Variants in ALPL observed in about 807,000 individuals in gnomAD.
The protein encoded by ALPL is alkaline phosphatase, biomineralization associated.
A neutral mutation model predicts 51.3 loss-of-function variants in ALPL; 42 were observed. That is an observed-to-expected ratio of 0.82 (90% CI 0.64 to 1.06). The LOEUF (loss-of-function observed/expected upper bound fraction) is 1.06, where lower values mean the gene tolerates loss of function less well. ALPL is among the 50% of genes least tolerant of loss of function. ALPL has a pLI of 0.00. For missense variants in ALPL, 589 were observed against 709.4 expected (o/e 0.83, Z 1.93); for synonymous variants, 279 against 296.4 (o/e 0.94, Z 0.60).
At chr1:21,566,590 CTATTT>C (rs1371724015) in intron 6 of ALPL, among the ~76,000 whole-genome samples, 2 of 151,830 alleles carry the variant, frequency 1.3e-5, no homozygotes, top group Non-Finnish European at 2.9e-5. Context: ...CGCGCCCGGC[CTATTT>C]TATTTTATTT....
At chr1:21,551,719 GTTTTTTTTTT>G (rs397861981) in intron 1 of ALPL, among the ~76,000 whole-genome samples, 7 of 61,442 alleles carry the variant, frequency 1.1e-4, no homozygotes, top group South Asian at 2.4e-3. Context: ...AGCTTGCGTG[GTTTTTTTTTT>G]TTTTTTTTTT....
At chr1:21,531,558 G>A (rs1644030984) in intron 1 of ALPL, among the ~76,000 whole-genome samples, 1 of 152,238 alleles carries the variant, frequency 6.6e-6, no homozygotes, top group Non-Finnish European at 1.5e-5. Context: ...GAGAGCCAAA[G>A]GGGCTCTGGG....
chr1:21,518,766 G>A (rs963301194), intron 1 of ALPL, among the ~76,000 whole-genome samples: 3 of 152,064 alleles, frequency 2.0e-5, no homozygotes, highest in South Asian at 2.1e-4. Context: ...GAAGTCCCCC[G>A]TCCCACCCCT....
chr1:21,559,021 A>T (rs1644449664), intron 2 of ALPL, among the ~76,000 whole-genome samples: 1 of 152,162 alleles, frequency 6.6e-6, no homozygotes, highest in Admixed American at 6.5e-5. Context: ...GCCCAGAGCC[A>T]GTGCGTGTGT....
At chr1:21,510,275 C>A (rs1454416258) in intron 1 of ALPL, among the ~76,000 whole-genome samples, 1 of 152,204 alleles carries the variant, frequency 6.6e-6, no homozygotes, top group African/African-American at 2.4e-5. Flanking sequence ...CCGAGGAAAG[C>A]CTCCCCCACT....
rs756418235 is a variant in ALPL at position 21,575,865 on chromosome 1, C to T, written c.1130C>T (p.Ala377Val). The change falls in exon 10 of 12, where the codon GCG (alanine) becomes GTG (valine). Residue 377 changes from alanine (A) to valine (V), a missense_variant. Coordinates refer to ENST00000374840, the MANE Select transcript of ALPL (RefSeq NM_000478.6). Reference protein sequence around the residue: ...SSEDTLTVVTADHSHVFTFGG... With the variant: ...SSEDTLTVVTVDHSHVFTFGG... ...GAAGACACTCTGACCGTGGTCACTGCGGACCATTCCCACGTCTTCACATTT... is the reference window on the plus strand; with the variant it reads ...GAAGACACTCTGACCGTGGTCACTGTGGACCATTCCCACGTCTTCACATTT... 2.5e-6 allele frequency: 4 copies of T among 1,614,192 alleles called. No individual in the cohort carries two copies. The highest frequency in any genetic ancestry group is 1.1e-5 in the South Asian group (1 of 91,080).
upstream of ALPL, among the ~76,000 whole-genome samples, chr1:21,509,105 G>C (rs770236595): frequency 7.2e-5 from 11 of 152,094 alleles, no homozygotes; most frequent in Non-Finnish European, 1.5e-4. This position sits in a 1 kb window ranked among gnomAD's most constrained non-coding sequence, Gnocchi z 6.0. Flanking sequence ...ACGCGCGCAA[G>C]GAGCAGGTCA....
At chr1:21,515,770 C>G (rs1643785760) in intron 1 of ALPL, among the ~76,000 whole-genome samples, 1 of 152,252 alleles carries the variant, frequency 6.6e-6, no homozygotes, top group Admixed American at 6.5e-5. Flanking sequence ...GTGGGTACCA[C>G]TTAGCTCTCA....
chr1:21,542,520 G>C (rs1644199607), intron 1 of ALPL, among the ~76,000 whole-genome samples: 1 of 152,186 alleles, frequency 6.6e-6, no homozygotes, highest in African/African-American at 2.4e-5. Flanking sequence ...TTTCCCAAAT[G>C]AATCTGCTCA....
At chr1:21,573,896 G>A in intron 9 of ALPL, 97 bp downstream of exon 9, 1 of 1,579,620 alleles carries the variant, frequency 6.3e-7, no homozygotes, top group Non-Finnish European at 8.6e-7. Flanking sequence ...GACTGGTTTG[G>A]GGGTGAAGGG....
At chr1:21,534,443 C>T (rs939610206) in intron 1 of ALPL, among the ~76,000 whole-genome samples, 2 of 152,148 alleles carry the variant, frequency 1.3e-5, no homozygotes, top group African/African-American at 4.8e-5. Flanking sequence ...GCCACAGGGG[C>T]TCTGGGAAAG....
At chr1:21,532,625 G>A (rs1297393932) in intron 1 of ALPL, among the ~76,000 whole-genome samples, 1 of 152,236 alleles carries the variant, frequency 6.6e-6, no homozygotes, top group Non-Finnish European at 1.5e-5. Context: ...TATTCAATAT[G>A]AGAAAGCAGC....
chr1:21,540,447 A>G (rs1644167988), intron 1 of ALPL, among the ~76,000 whole-genome samples: 1 of 152,148 alleles, frequency 6.6e-6, no homozygotes, highest in Admixed American at 6.5e-5. Context: ...CCAGACCCTC[A>G]GGGTTTCTGA....
rs769940109 is a variant in ALPL at position 21,578,349 on chromosome 1, TTGG to T, written c.*709_*711del. 1 of 152,586 alleles carries T rather than the reference TTGG, an allele frequency of 6.6e-6. No homozygotes were observed. Among genetic ancestry groups the T allele is most frequent in the Non-Finnish European group, 1.5e-5 (1 of 68,036 alleles). 9.5% of individuals were successfully genotyped at this position (152,586 alleles called of 1,614,324 possible). On this transcript the variant is annotated 3_prime_UTR_variant, in exon 12 of 12. Coordinates refer to ENST00000374840, the MANE Select transcript of ALPL (RefSeq NM_000478.6). The surrounding 1 kb of genome is among the most constrained non-coding windows in gnomAD (Gnocchi z 4.2). ...CAAAAAAAAATTTTTTTTTCTCTTT[TTGG>T]TGGTGGTTAAAAGGGAACACAAAAC...
chr1:21,572,512 A>G (rs1644663655), intron 8 of ALPL, among the ~76,000 whole-genome samples: 1 of 152,164 alleles, frequency 6.6e-6, no homozygotes, highest in Non-Finnish European at 1.5e-5. Flanking sequence ...ATGGCATACA[A>G]AGGCTAGTGT....
chr1:21,515,234 G>C (rs1643772298), intron 1 of ALPL, among the ~76,000 whole-genome samples: 1 of 152,184 alleles, frequency 6.6e-6, no homozygotes, highest in South Asian at 2.1e-4. Context: ...GGAAAAACCA[G>C]AAGTGTGACC....
intron 1 of ALPL, among the ~76,000 whole-genome samples, chr1:21,516,470 T>C (rs1235323942): frequency 6.6e-6 from 1 of 152,226 alleles, no homozygotes; most frequent in Non-Finnish European, 1.5e-5. Context: ...CTCAGTGCCT[T>C]GCCTGTAATT....
rs753929700 is a variant in ALPL, at chr1:21,563,200, G to A, written c.388G>A (p.Val130Ile). ...GAAGGCCAATGAGGGCACCGTGGGG[G>A]TAAGCGCAGCCACTGAGCGTTCCCG... ...GVKANEGTVG[V>I]SAATERSRCN... is the part of the protein sequence containing the mutation. Residue 130 changes from valine to isoleucine, a missense_variant, in exon 5 of 12, where the codon GTA (valine) becomes ATA (isoleucine). By Grantham distance (29) the Val-to-Ile change is conservative. Transcript: ENST00000374840. The A allele has an allele frequency of 2.5e-6, 4 of 1,613,862 alleles. No homozygotes were observed. The highest frequency in any genetic ancestry group is 2.2e-5 in the East Asian group (1 of 44,888).
chr1:21,547,745 C>T (rs1008255016), intron 1 of ALPL, among the ~76,000 whole-genome samples: 2 of 152,330 alleles, frequency 1.3e-5, no homozygotes, highest in South Asian at 4.1e-4. Context: ...GTTGGGTTTC[C>T]TAAGCTACAA....
Sources: allele counts gnomAD v4.1 joint callset (sites outside exome capture counted in the v4.1 genomes callset), GRCh38; gene constraint gnomAD v4.1.1; non-coding constraint Gnocchi (gnomAD v3.1); transcripts MANE v1.5; gene names NCBI Gene and HGNC (gene_info 2026-07-23, HGNC 2026-07-21).